The following PLAAT1 variants were observed in gnomAD, a reference collection of about 807,000 sequenced individuals.
PLAAT1 encodes the protein phospholipase A and acyltransferase 1.
Under a neutral mutation model 16.4 loss-of-function variants are expected in PLAAT1, and 13 were observed. The ratio of observed to expected loss-of-function variants is 0.79; its 90% confidence interval spans 0.52 to 1.26. The LOEUF (loss-of-function observed/expected upper bound fraction) is 1.26, where lower values mean the gene tolerates loss of function less well. Ranked by LOEUF, PLAAT1 falls within the 50% of genes most tolerant of loss-of-function variation. PLAAT1 has a pLI of 0.00. For missense variants in PLAAT1, 218 were observed against 207.8 expected, an observed-to-expected ratio of 1.05 and a Z score of -0.30; for synonymous variants, 73 against 78.4, an observed-to-expected ratio of 0.93 and a Z score of 0.36.
downstream of PLAAT1, among the ~76,000 whole-genome samples, chr3:193,279,778 C>T (rs2108815181): frequency 6.6e-6 from 1 of 151,980 alleles, no homozygotes; most frequent in East Asian, 1.9e-4. Flanking sequence ...TTCTTGGCAC[C>T]ATCTCATTCT....
chr3:193,279,300 G>T, downstream of PLAAT1: 1 of 1,253,928 alleles, frequency 8.0e-7, no homozygotes, highest in Non-Finnish European at 1.2e-6. Context: ...ATTGACTTGT[G>T]AATTACAATG....
At chr3:193,263,500 C>T (rs572941307) in intron 3 of PLAAT1, among the ~76,000 whole-genome samples, 1 of 151,894 alleles carries the variant, frequency 6.6e-6, no homozygotes, top group African/African-American at 2.4e-5. Flanking sequence ...GCCTTTTAGT[C>T]TTTTTTTCCT....
chr3:193,247,370 G>A (rs901728600), intron 1 of PLAAT1, among the ~76,000 whole-genome samples: 1 of 152,176 alleles, frequency 6.6e-6, no homozygotes, highest in African/African-American at 2.4e-5. Flanking sequence ...AGGAATATGT[G>A]GAGCCACCAG....
downstream of PLAAT1, chr3:193,275,047 G>C: frequency 6.2e-7 from 1 of 1,613,986 alleles, no homozygotes; most frequent in Non-Finnish European, 8.5e-7. Context: ...TCTGATTACA[G>C]CCTGGCCCAG....
chr3:193,251,703 A>C (rs1716196964), intron 1 of PLAAT1, among the ~76,000 whole-genome samples: 1 of 152,144 alleles, frequency 6.6e-6, no homozygotes, highest in Non-Finnish European at 1.5e-5. Flanking sequence ...GGCTCTGTGC[A>C]TAGGGTGGGG....
chr3:193,272,494 A>C (rs1717014925), downstream of PLAAT1, among the ~76,000 whole-genome samples: 1 of 152,166 alleles, frequency 6.6e-6, no homozygotes, highest in Non-Finnish European at 1.5e-5. Flanking sequence ...AGTATTGTCA[A>C]GTTAAGATGA....
chr3:193,255,155 C>T (rs113450768), intron 1 of PLAAT1, among the ~76,000 whole-genome samples: 1,703 of 152,248 alleles, frequency 0.011, 18 homozygotes, highest in Middle Eastern at 0.024. Context: ...CTGACTTTTT[C>T]ATGCTAAATA....
chr3:193,262,978 C>A lies in PLAAT1; in HGVS notation c.148C>A (p.Pro50Thr). The change falls in exon 3 of 4, where the codon CCT becomes ACT. Residue 50 changes from proline to threonine, a missense_variant. By Grantham distance (38) the Pro-to-Thr change is conservative. Transcript: ENST00000264735. ...VINIAPVDGI[P>T]ASFTSAKSVF... The stretch of plus-strand genomic sequence containing the variant: ...AGAATTCTACTTTATAGATGGCATT[C>A]CTGCGTCCTTTACAAGCGCCAAGTC... The A allele has an allele frequency of 6.2e-7, 1 of 1,614,144 alleles. No individual in the cohort carries two copies.
chr3:193,241,969 T>A (rs1715772314), intron 1 of PLAAT1, among the ~76,000 whole-genome samples: 1 of 152,200 alleles, frequency 6.6e-6, no homozygotes, highest in African/African-American at 2.4e-5. Context: ...CGCAGTTACT[T>A]GTGCGAGGCA....
At chr3:193,244,480 TA>T (rs1170165876) in intron 1 of PLAAT1, among the ~76,000 whole-genome samples, 1 of 151,956 alleles carries the variant, frequency 6.6e-6, no homozygotes, top group African/African-American at 2.4e-5. Context: ...TTTTTTTTTT[TA>T]AATTGACAAT....
At chr3:193,244,395 A>C (rs1244018264) in intron 1 of PLAAT1, among the ~76,000 whole-genome samples, 2 of 151,850 alleles carry the variant, frequency 1.3e-5, no homozygotes, top group African/African-American at 4.8e-5. Context: ...ACTCTGCATC[A>C]TTGTCAACAT....
downstream of PLAAT1, chr3:193,281,211 G>T: frequency 2.0e-6 from 2 of 985,282 alleles, no homozygotes; most frequent in Non-Finnish European, 2.4e-6. Flanking sequence ...TCCCAGGAAC[G>T]CAGAAGCTGG....
intron 2 of PLAAT1, 80 bp from the exon 3 acceptor site, chr3:193,262,890 C>G: frequency 7.1e-7 from 1 of 1,415,864 alleles, no homozygotes; most frequent in African/African-American, 1.4e-5. Flanking sequence ...GACATGCCAG[C>G]ATTTCCAAAG....
At chr3:193,240,732 GGTGT>G (rs1715687770), upstream of PLAAT1, among the ~76,000 whole-genome samples, 1 of 149,502 alleles carries the variant, frequency 6.7e-6, no homozygotes, top group African/African-American at 2.5e-5. Context: ...TGTGTGGTGT[GGTGT>G]GTGTAAGCAG....
downstream of PLAAT1, among the ~76,000 whole-genome samples, chr3:193,275,730 T>G (rs572402461): frequency 6.6e-6 from 1 of 152,374 alleles, no homozygotes; most frequent in Admixed American, 6.5e-5. Context: ...TTATTGGTTT[T>G]CATTTTTTGA....
intron 1 of PLAAT1, among the ~76,000 whole-genome samples, chr3:193,242,372 G>C (rs1715799325): frequency 1.3e-5 from 2 of 152,128 alleles, no homozygotes; most frequent in Admixed American, 1.3e-4. Flanking sequence ...CGGATCGGAG[G>C]AAGACAATCC....
intron 2 of PLAAT1, among the ~76,000 whole-genome samples, chr3:193,277,154 A>G (rs999693553): frequency 5.9e-5 from 9 of 152,194 alleles, no homozygotes; most frequent in African/African-American, 1.9e-4. Flanking sequence ...TATCTTTTCA[A>G]ACAGAAGGCT....
At chr3:193,254,679 A>C (rs9813742) in intron 1 of PLAAT1, among the ~76,000 whole-genome samples, 80,462 of 151,954 alleles carry the variant, frequency 0.53, 21,675 homozygotes, top group Admixed American at 0.6. Flanking sequence ...TGATGAACTC[A>C]CCAGCTTTCC....
intron 2 of PLAAT1, among the ~76,000 whole-genome samples, 199 bp from the exon 3 acceptor site, chr3:193,262,771 T>C (rs894272563): frequency 6.6e-6 from 1 of 152,208 alleles, no homozygotes; most frequent in Non-Finnish European, 1.5e-5. Flanking sequence ...TCTTATATTC[T>C]CACTCATACA....
Sources: allele counts gnomAD v4.1 joint callset (sites outside exome capture counted in the v4.1 genomes callset), GRCh38; gene constraint gnomAD v4.1.1; transcripts MANE v1.5; gene names NCBI Gene and HGNC (gene_info 2026-07-23, HGNC 2026-07-21).